DCAF12: variants seen among roughly 807,000 people sequenced by gnomAD.
The protein encoded by DCAF12 is DDB1- and CUL4-associated factor 12.
In DCAF12, 28 loss-of-function variants were observed where a neutral mutation model predicts 52.8. The ratio of observed to expected loss-of-function variants is 0.53; its 90% confidence interval spans 0.39 to 0.73. The LOEUF is 0.73. Ranked by LOEUF, DCAF12 falls within the 30% of genes least tolerant of loss-of-function variation. The probability of loss-of-function intolerance (pLI) is 0.00; values close to 1 mark genes in which losing one functional copy is unlikely to be tolerated. For missense variants in DCAF12, 425 were observed against 552.2 expected (o/e 0.77, Z 2.31); for synonymous variants, 196 against 215.5 (o/e 0.91, Z 0.79).
In DCAF12 at chr9:34,098,336, G is replaced by A. The variant is rs753831398; in HGVS notation, c.783C>T (p.Asn261=). The A allele has an allele frequency of 1.9e-6, 3 of 1,613,990 alleles. No homozygotes were observed. The South Asian group carries it at 3.3e-5, about 18-fold the overall frequency. ...DNCKVRALAF[N]NKNKELGAVS... ...CACAAGTTCATACCTTGTTCTTGTT[G>A]TTGAAGGCCAGAGCCCGAACCTTGC... is the stretch of plus-strand genomic sequence containing the variant. The change falls in exon 5 of 9, where the codon AAC becomes AAT. Residue 261 remains asparagine, a synonymous_variant. Coordinates refer to ENST00000361264, the MANE Select transcript of DCAF12 (RefSeq NM_015397.4).
At chr9:34,120,355 G>C (rs531695823) in intron 2 of DCAF12, among the ~76,000 whole-genome samples, 41 of 151,746 alleles carry the variant, frequency 2.7e-4, no homozygotes, top group African/African-American at 9.7e-4. Flanking sequence ...ACTCCACCCT[G>C]AGTGCAAAAT....
intron 2 of DCAF12, among the ~76,000 whole-genome samples, chr9:34,110,681 C>G (rs1266316333): frequency 1.3e-5 from 2 of 152,062 alleles, no homozygotes; most frequent in African/African-American, 4.8e-5. Context: ...TCAGGCAGCA[C>G]AGTGAGACCC....
chr9:34,088,383 C>A lies in DCAF12; in HGVS notation c.1329G>T (p.Gly443=). The change falls in exon 9 of 9, where the codon GGG becomes GGT. Residue 443 remains glycine (G), a synonymous_variant. Coordinates refer to ENST00000361264, the MANE Select transcript of DCAF12 (RefSeq NM_015397.4). ...AGAGCCCAGCATAGTTTCCATGGAG[C>A]CCTGAAGGGAGGGGACCTCCTGCCA... The part of the protein sequence containing the change: ...LFVAGGPLPS[G]LHGNYAGLWS 3 of 1,610,306 alleles carry A rather than the reference C, an allele frequency of 1.9e-6. No homozygotes were observed. Among genetic ancestry groups the A allele is most frequent in the Non-Finnish European group, 2.5e-6 (3 of 1,177,992 alleles).
chr9:34,111,248 T>G (rs990885161), intron 2 of DCAF12, among the ~76,000 whole-genome samples: 28 of 152,122 alleles, frequency 1.8e-4, no homozygotes, highest in Non-Finnish European at 3.2e-4. Context: ...CCTCCCAAAG[T>G]GCCGGCATTA....
intron 6 of DCAF12, among the ~76,000 whole-genome samples, chr9:34,096,380 T>C (rs1231725933): frequency 1.3e-5 from 2 of 151,938 alleles, no homozygotes; most frequent in African/African-American, 4.8e-5. Flanking sequence ...CCTGTATTTA[T>C]TGTCTTTAAA....
intron 5 of DCAF12, among the ~76,000 whole-genome samples, chr9:34,097,547 C>T (rs917621418): frequency 1.3e-5 from 2 of 151,750 alleles, no homozygotes; most frequent in Admixed American, 6.6e-5. Context: ...TGAGTCACTG[C>T]GCCTGGGTGA....
intron 8 of DCAF12, among the ~76,000 whole-genome samples, chr9:34,089,049 C>A (rs943809308): frequency 1.4e-4 from 20 of 145,666 alleles, no homozygotes; most frequent in African/African-American, 4.1e-4. Context: ...TTCAAGGCTA[C>A]ATACAGTAAG....
In DCAF12 at chr9:34,122,701, C is replaced by T. The variant is rs766531746; in HGVS notation, c.333+2322G>A. ...CCATGTTGGCCAGGCTGGTCTCGAA[C>T]TCCTGACCTCAGGTGATCCGCCCGC... On this transcript the variant is annotated intron_variant, in intron 2 of 8. Coordinates refer to ENST00000361264, the MANE Select transcript of DCAF12 (RefSeq NM_015397.4). Among the ~76,000 whole-genome samples, 32 of 152,186 alleles carry T rather than the reference C, an allele frequency of 2.1e-4. 1 individual carries two copies. Among genetic ancestry groups the T allele is most frequent in the Non-Finnish European group, 3.7e-4 (25 of 68,026 alleles).
rs145778072 is a variant in DCAF12, at chr9:34,103,929, A to G, written c.601+2505T>C. 2.8e-3 allele frequency among the ~76,000 whole-genome samples: 424 copies of G among 152,280 alleles called. 1 individual carries two copies. The highest frequency in any genetic ancestry group is 9.3e-3 in the African/African-American group (386 of 41,568). ...ATTTGCCAGTTCTCCTTTGAGACCAAGAAGGTGCCCTTCCCACACTGCTAA... is the reference window on the plus strand; with the variant it reads ...ATTTGCCAGTTCTCCTTTGAGACCAGGAAGGTGCCCTTCCCACACTGCTAA... On this transcript the variant is annotated intron_variant, in intron 4 of 8. Coordinates refer to ENST00000361264, the MANE Select transcript of DCAF12 (RefSeq NM_015397.4).
At chr9:34,123,896 A>G (rs192865969) in intron 2 of DCAF12, among the ~76,000 whole-genome samples, 1 of 152,174 alleles carries the variant, frequency 6.6e-6, no homozygotes, top group Admixed American at 6.5e-5. Flanking sequence ...CGTTGCCACC[A>G]CTTAGTTTTG....
chr9:34,108,793 CA>C (rs1234542589), intron 2 of DCAF12, among the ~76,000 whole-genome samples: 1 of 81,300 alleles, frequency 1.2e-5, no homozygotes, highest in Non-Finnish European at 2.7e-5. Context: ...GACTTGGTCT[CA>C]AAAAAAATAA....
rs372502228 is a variant in DCAF12 at position 34,104,135 on chromosome 9, C to T, written c.601+2299G>A. Among the ~76,000 whole-genome samples, 25 of 151,684 alleles carry T rather than the reference C, an allele frequency of 1.6e-4. 1 individual carries two copies. The highest frequency in any genetic ancestry group is 1.0e-3 in the South Asian group (5 of 4,798). Reference sequence around the variant, plus strand: ...AATACAAAAATTAGGCACAGTGGCACGCACCTGTAGTCCCAGCTACTTGGG... The same window carrying T: ...AATACAAAAATTAGGCACAGTGGCATGCACCTGTAGTCCCAGCTACTTGGG... On this transcript the variant is annotated intron_variant, in intron 4 of 8. Transcript: ENST00000361264.
chr9:34,126,632 G>A lies in DCAF12; in HGVS notation c.-201C>T. ...AGAGGAAGGACTTGAGCCGGGAAAGGGAAGGGGAAGCGAGAATGAGCGGCT... is the reference window on the plus strand; with the variant it reads ...AGAGGAAGGACTTGAGCCGGGAAAGAGAAGGGGAAGCGAGAATGAGCGGCT... On this transcript the variant is annotated 5_prime_UTR_variant, in exon 1 of 9. Transcript: ENST00000361264. The A allele has an allele frequency of 1.6e-6, 1 of 622,036 alleles. No individual in the cohort carries two copies. The highest frequency in any genetic ancestry group is 2.2e-5 in the South Asian group (1 of 46,430). 38.5% of individuals were successfully genotyped at this position (622,036 alleles called of 1,614,324 possible). A position where few individuals can be genotyped will look rare whatever the true frequency, so the allele number is the denominator to read the frequency against.
intron 5 of DCAF12, among the ~76,000 whole-genome samples, chr9:34,097,240 G>A (rs1316879098): frequency 1.4e-5 from 2 of 144,308 alleles, no homozygotes; most frequent in East Asian, 2.1e-4. Context: ...GGCTCTGGGT[G>A]TATATTCTGA....
At chr9:34,125,459 A>G in intron 1 of DCAF12, 182 bp from the exon 2 acceptor site, 1 of 726,332 alleles carries the variant, frequency 1.4e-6, no homozygotes, top group Admixed American at 2.8e-5. Flanking sequence ...CATTAAAAAG[A>G]TGTTGCTCAC....
chr9:34,126,616 A>G lies in DCAF12; in HGVS notation c.-185T>C. 3.0e-6 allele frequency: 2 copies of G among 664,162 alleles called. No individual in the cohort carries two copies. Among genetic ancestry groups the G allele is most frequent in the South Asian group, 2.1e-5 (1 of 48,584 alleles). The allele number at this position is 664,162 out of a possible 1,614,324, so 41.1% of individuals were successfully genotyped here. A position where few individuals can be genotyped will look rare whatever the true frequency, so the allele number is the denominator to read the frequency against. ...GAAAGAAAGGAAAGAGAGAGGAAGG[A>G]CTTGAGCCGGGAAAGGGAAGGGGAA... On this transcript the variant is annotated 5_prime_UTR_variant, in exon 1 of 9. Coordinates refer to ENST00000361264, the MANE Select transcript of DCAF12 (RefSeq NM_015397.4).
rs1419885533 is a variant in DCAF12, at chr9:34,088,460, G to A, written c.1252C>T (p.Pro418Ser). 6.2e-7 allele frequency: 1 copy of A among 1,614,068 alleles called. No homozygotes were observed. The highest frequency in any genetic ancestry group is 8.5e-7 in the Non-Finnish European group (1 of 1,180,032). Residue 418 changes from proline to serine, a missense_variant, in exon 9 of 9, where the codon CCC (proline) becomes TCC (serine). Pro to Ser is a moderately conservative substitution (Grantham distance 74, BLOSUM62 -1). Coordinates refer to ENST00000361264, the MANE Select transcript of DCAF12 (RefSeq NM_015397.4). Reference protein sequence around the residue: ...RNYFSDIDFFPNAVYTHCYDS... With the variant: ...RNYFSDIDFFSNAVYTHCYDS... ...TAGCAGTGGGTGTAAACAGCATTGGGGAAGAAGTCAATGTCTGAAAAGTAA... is the reference window on the plus strand; with the variant it reads ...TAGCAGTGGGTGTAAACAGCATTGGAGAAGAAGTCAATGTCTGAAAAGTAA...
At chr9:34,124,440 G>C (rs1225956692) in intron 2 of DCAF12, among the ~76,000 whole-genome samples, 2 of 152,124 alleles carry the variant, frequency 1.3e-5, no homozygotes, top group African/African-American at 2.4e-5. Flanking sequence ...ATTTATAACT[G>C]TCTTTCTATT....
chr9:34,096,884 C>G, intron 5 of DCAF12, 103 bp from the exon 6 acceptor site: 1 of 986,124 alleles, frequency 1.0e-6, no homozygotes, highest in South Asian at 1.4e-5. Context: ...ATTCCTGTCT[C>G]GTGATGATTC....
Sources: allele counts gnomAD v4.1 joint callset (sites outside exome capture counted in the v4.1 genomes callset), GRCh38; gene constraint gnomAD v4.1.1; transcripts MANE v1.5; gene names NCBI Gene and HGNC (gene_info 2026-07-23, HGNC 2026-07-21).